The following HTR2C variants were observed in gnomAD, a reference collection of about 807,000 sequenced individuals.
HTR2C encodes the protein 5-hydroxytryptamine (serotonin) receptor 2C, G protein-coupled.
HTR2C carries 5 observed loss-of-function variants against 21.0 expected under a neutral mutation model. The observed-to-expected ratio is 0.24, with a 90% CI of 0.12 to 0.50. HTR2C has a LOEUF of 0.50. Ranked by LOEUF, HTR2C falls within the 20% of genes least tolerant of loss-of-function variation. HTR2C has a pLI of 0.98. For missense variants in HTR2C, 271 were observed against 371.2 expected (o/e 0.73, Z 2.22); for synonymous variants, 150 against 145.3 (o/e 1.03, Z -0.23).
chrX:114,866,307 A>G (rs990663956), intron 5 of HTR2C, among the ~76,000 whole-genome samples: 13 of 109,749 alleles, frequency 1.2e-4, no homozygotes, highest in African/African-American at 4.3e-4. Context: ...ATTTTCTCCT[A>G]TATTTTATCA....
intron 2 of HTR2C, among the ~76,000 whole-genome samples, chrX:114,694,943 A>G (rs1300554811): frequency 8.9e-6 from 1 of 112,276 alleles, no homozygotes; most frequent in Admixed American, 9.5e-5. Context: ...AGCTATTTTC[A>G]CAGTTTACCA....
intron 4 of HTR2C, among the ~76,000 whole-genome samples, chrX:114,835,634 G>C (rs1281859565): frequency 6.3e-5 from 7 of 111,006 alleles, no homozygotes; most frequent in East Asian, 2.9e-4. Flanking sequence ...TTTTCAACTT[G>C]TTTGCCTTTG....
chrX:114,601,029 C>T (rs189245396), intron 1 of HTR2C, among the ~76,000 whole-genome samples: 52 of 112,058 alleles, frequency 4.6e-4, no homozygotes, highest in Non-Finnish European at 8.3e-4. Context: ...ACACATCTAC[C>T]TGCTATCTAA....
intron 4 of HTR2C, among the ~76,000 whole-genome samples, chrX:114,793,724 CT>C (rs370271682): frequency 1.4e-3 from 142 of 104,546 alleles, no homozygotes; most frequent in African/African-American, 3.4e-3. Flanking sequence ...ACACCTTAGG[CT>C]TTTTTTTTTA....
chrX:114,670,819 T>C (rs1556411570), intron 2 of HTR2C, among the ~76,000 whole-genome samples: 1 of 112,463 alleles, frequency 8.9e-6, no homozygotes, highest in Non-Finnish European at 1.9e-5. Context: ...CTTTAGGCAG[T>C]TTGCCCGAAT....
intron 1 of HTR2C, among the ~76,000 whole-genome samples, chrX:114,605,932 T>C (rs1928397429): frequency 1.1e-5 from 1 of 93,666 alleles, no homozygotes; most frequent in Non-Finnish European, 2.1e-5. Flanking sequence ...CGCAGAGAAA[T>C]AAGAGGTTGG....
At chrX:114,878,359 A>G (rs782400992) in intron 5 of HTR2C, among the ~76,000 whole-genome samples, 6 of 110,695 alleles carry the variant, frequency 5.4e-5, no homozygotes, top group Non-Finnish European at 1.1e-4. Context: ...ATAATAGGAA[A>G]TCAATATTGT....
At chrX:114,831,410 T>A (rs1431274529) in intron 4 of HTR2C, among the ~76,000 whole-genome samples, 29 of 97,941 alleles carry the variant, frequency 3.0e-4, no homozygotes, top group Non-Finnish European at 1.5e-4. Context: ...TGAGATGGTA[T>A]CTCCTAGTGG....
intron 4 of HTR2C, among the ~76,000 whole-genome samples, chrX:114,734,564 T>TAAAAAAAAAAAAAAAAAAAAAAAAAA (rs61672860): frequency 7.9e-4 from 27 of 34,300 alleles, no homozygotes; most frequent in African/African-American, 2.3e-3. Context: ...GCCTTACATG[T>TAAAAAAAAAAAAAAAAAAAAAAAAAA]AAAAAAAAAA....
intron 2 of HTR2C, among the ~76,000 whole-genome samples, chrX:114,694,790 G>A (rs1932229010): frequency 9.0e-6 from 1 of 111,125 alleles, no homozygotes; most frequent in Non-Finnish European, 1.9e-5. Context: ...CACCATGCCT[G>A]GGCACAACAA....
intron 2 of HTR2C, among the ~76,000 whole-genome samples, chrX:114,720,844 A>C (rs1602715624): frequency 1.2e-5 from 1 of 81,390 alleles, no homozygotes; most frequent in African/African-American, 4.6e-5. Flanking sequence ...AAGGACATGA[A>C]CTCATCATTT....
chrX:114,779,070 G>A (rs138950175), intron 4 of HTR2C, among the ~76,000 whole-genome samples: 1 of 111,377 alleles, frequency 9.0e-6, no homozygotes, highest in Admixed American at 9.6e-5. Flanking sequence ...AAGATATTTG[G>A]CAAAACATCA....
chrX:114,591,218 TA>T (rs1268618496), intron 1 of HTR2C, among the ~76,000 whole-genome samples: 1 of 111,536 alleles, frequency 9.0e-6, no homozygotes, highest in Non-Finnish European at 1.9e-5. Context: ...AATGTAATGT[TA>T]GTCTAAAATA....
intron 5 of HTR2C, among the ~76,000 whole-genome samples, chrX:114,869,011 G>A (rs1418814334): frequency 9.2e-6 from 1 of 109,161 alleles, no homozygotes; most frequent in Non-Finnish European, 1.9e-5. Flanking sequence ...CCCCTGACAG[G>A]CCCCAGTGAG....
chrX:114,848,201 T>C lies in HTR2C; in HGVS notation c.548T>C (p.Ile183Thr). ...MKIAIVWAISIGVSVPIPVIG... is the reference protein window; with the variant it reads ...MKIAIVWAISTGVSVPIPVIG... ...ATTGCTATTGTTTGGGCAATTTCTA[T>C]AGGTAAATAAAACTTTTTGGCCATA... is the stretch of plus-strand genomic sequence containing the variant. The change falls in exon 5 of 6, where the codon ATA (isoleucine) becomes ACA (threonine). Residue 183 changes from isoleucine (I) to threonine (T), a missense_variant and splice_region_variant. Around this residue, in one of 5 missense-constraint regions of HTR2C, gnomAD observed 192 missense variants for 247.2 expected, o/e 0.78. Coordinates refer to ENST00000276198, the MANE Select transcript of HTR2C (RefSeq NM_000868.4). The C allele has an allele frequency of 8.3e-7, 1 of 1,203,077 alleles. No homozygotes were observed. The highest frequency in any genetic ancestry group is 1.1e-6 in the Non-Finnish European group (1 of 888,173).
chrX:114,805,717 T>TACACCATATATATACCATATATAC (rs1276750083), intron 4 of HTR2C, among the ~76,000 whole-genome samples: 1 of 25,980 alleles, frequency 3.8e-5, no homozygotes, highest in Non-Finnish European at 7.5e-5. Flanking sequence ...ACCATATATA[T>TACACCATATATATACCATATATAC]ACCATATATA....
intron 4 of HTR2C, among the ~76,000 whole-genome samples, chrX:114,807,242 T>C (rs782662313): frequency 0.013 from 1,257 of 94,513 alleles, 148 homozygotes; most frequent in African/African-American, 0.057. Context: ...ACCATATATA[T>C]ACCATGTATA....
chrX:114,828,259 T>C (rs2147465973), intron 4 of HTR2C, among the ~76,000 whole-genome samples: 1 of 111,404 alleles, frequency 9.0e-6, no homozygotes, highest in South Asian at 3.7e-4. Flanking sequence ...TCAAATATTG[T>C]ATTTTTTGAG....
At chrX:114,692,334 A>G (rs1300289342) in intron 2 of HTR2C, among the ~76,000 whole-genome samples, 1 of 112,023 alleles carries the variant, frequency 8.9e-6, no homozygotes, top group African/African-American at 3.2e-5. Context: ...AGTGAGTTCT[A>G]CAGTCAACGA....
Sources: allele counts gnomAD v4.1 joint callset (sites outside exome capture counted in the v4.1 genomes callset), GRCh38; gene constraint gnomAD v4.1.1; regional missense constraint gnomAD v4.1.1; transcripts MANE v1.5; gene names NCBI Gene and HGNC (gene_info 2026-07-23, HGNC 2026-07-21).